HIVEP1: variants seen among roughly 807,000 people sequenced by gnomAD.
HIVEP1 encodes the protein HIVEP zinc finger 1, also known as zinc finger protein 40.
A neutral mutation model predicts 180.0 loss-of-function variants in HIVEP1; 36 were observed. The ratio of observed to expected loss-of-function variants is 0.20; its 90% confidence interval spans 0.15 to 0.26. HIVEP1 has a LOEUF of 0.26. Ranked by LOEUF, HIVEP1 falls within the 10% of genes least tolerant of loss-of-function variation. The pLI is 1.00. For missense variants in HIVEP1, 3,143 were observed against 3,268.7 expected (o/e 0.96, Z 0.94); for synonymous variants, 1,239 against 1,239.0 (o/e 1.00, Z 0.00).
chr6:12,017,786 C>G (rs1767913475), intron 2 of HIVEP1, among the ~76,000 whole-genome samples: 1 of 152,220 alleles, frequency 6.6e-6, no homozygotes, highest in Non-Finnish European at 1.5e-5. Flanking sequence ...ATAAAGAGTG[C>G]TGATTGGTGT....
At chr6:12,168,338 T>TATATACATGTATATGTATATATTATATAC (rs1760810978), downstream of HIVEP1, among the ~76,000 whole-genome samples, 2 of 125,782 alleles carry the variant, frequency 1.6e-5, no homozygotes, top group African/African-American at 6.0e-5. Flanking sequence ...TATATAATTA[T>TATATACATGTATATGTATATATTATATAC]ATATACATGT....
intron 2 of HIVEP1, among the ~76,000 whole-genome samples, chr6:12,022,797 A>G (rs145717616): frequency 8.5e-5 from 13 of 152,340 alleles, no homozygotes; most frequent in African/African-American, 2.2e-4. Flanking sequence ...CATGTGCTCA[A>G]TGTTGATTAC....
chr6:12,114,565 C>T (rs72826091), intron 3 of HIVEP1, among the ~76,000 whole-genome samples: 9,922 of 152,096 alleles, frequency 0.065, 379 homozygotes, highest in Middle Eastern at 0.15. Flanking sequence ...CAGCTCTCAC[C>T]GCATATTCCC....
chr6:12,061,616 ATTG>A (rs1771241787), intron 2 of HIVEP1, among the ~76,000 whole-genome samples: 1 of 152,044 alleles, frequency 6.6e-6, no homozygotes. Flanking sequence ...AATTTTGATC[ATTG>A]TTATAGTATA....
chr6:12,147,162 A>T (rs766395932), intron 7 of HIVEP1, among the ~76,000 whole-genome samples: 5 of 152,102 alleles, frequency 3.3e-5, no homozygotes, highest in Non-Finnish European at 7.4e-5. Flanking sequence ...CAGGTAATAG[A>T]TGCTGTGCAG....
intron 7 of HIVEP1, among the ~76,000 whole-genome samples, chr6:12,151,577 A>C (rs1188337497): frequency 6.6e-6 from 1 of 152,216 alleles, no homozygotes; most frequent in African/African-American, 2.4e-5. Flanking sequence ...CAAGCGTCTT[A>C]ACTTCCTTGT....
chr6:12,086,031 A>G (rs1434507345), intron 2 of HIVEP1, among the ~76,000 whole-genome samples: 2 of 152,164 alleles, frequency 1.3e-5, no homozygotes, highest in Non-Finnish European at 2.9e-5. Flanking sequence ...AATTTAAGGT[A>G]TCACACAAGA....
At chr6:12,080,343 A>G (rs1581643849) in intron 2 of HIVEP1, among the ~76,000 whole-genome samples, 1 of 152,134 alleles carries the variant, frequency 6.6e-6, no homozygotes, top group Non-Finnish European at 1.5e-5. Flanking sequence ...AGCATCTTCT[A>G]TGGGTAAAAA....
At position 12,121,225 on chromosome 6, in the gene HIVEP1, A is replaced by C. The variant is rs1295999314; in HGVS notation, c.1430A>C (p.His477Pro). Reference protein sequence around the residue: ...QPDAGGLFLSHESPKALSIHS... With the variant: ...QPDAGGLFLSPESPKALSIHS... Reference sequence around the variant, plus strand: ...GATGCTGGTGGCTTGTTCTTGTCCCACGAGTCCCCCAAAGCACTTAGTATT... The same window carrying C: ...GATGCTGGTGGCTTGTTCTTGTCCCCCGAGTCCCCCAAAGCACTTAGTATT... The change falls in exon 4 of 9, where the codon CAC (histidine) becomes CCC (proline). Residue 477 changes from histidine (H) to proline (P), a missense_variant. By Grantham distance (77) the His-to-Pro change is moderately conservative (BLOSUM62 -2). Around this residue, in one of 12 missense-constraint regions of HIVEP1, gnomAD observed 365 missense variants for 344.4 expected, o/e 1.06. Transcript: ENST00000379388. The surrounding 1 kb of genome is among the most constrained non-coding windows in gnomAD (Gnocchi z 5.3). The C allele has an allele frequency of 6.2e-7, 1 of 1,614,146 alleles. No individual in the cohort carries two copies. Among genetic ancestry groups the C allele is most frequent in the Admixed American group, 1.7e-5 (1 of 60,014 alleles).
At chr6:12,074,205 A>T (rs1280036592) in intron 2 of HIVEP1, among the ~76,000 whole-genome samples, 1 of 152,212 alleles carries the variant, frequency 6.6e-6, no homozygotes, top group Non-Finnish European at 1.5e-5. Context: ...GATTCTAAAG[A>T]TGATGTGAGT....
chr6:12,008,748 G>C (rs999239022), upstream of HIVEP1: 2 of 152,226 alleles, frequency 1.3e-5, no homozygotes, highest in South Asian at 2.1e-4. Flanking sequence ...GGAATGAAGC[G>C]CCTCCCTCTA....
At chr6:12,076,756 C>T (rs61428390) in intron 2 of HIVEP1, among the ~76,000 whole-genome samples, 26,426 of 152,084 alleles carry the variant, frequency 0.17, 2,392 homozygotes, top group Middle Eastern at 0.3. Flanking sequence ...CCAACACATG[C>T]ATTTTGGAGG....
At chr6:12,203,220 T>C in the HIVEP1 span, among the ~76,000 whole-genome samples, 10 of 152,200 alleles carry the variant, frequency 6.6e-5, no homozygotes, top group African/African-American at 2.4e-4. Context: ...TGACCTTATA[T>C]GGTAGCTTCG....
At chr6:12,041,362 T>C (rs62395282) in intron 2 of HIVEP1, among the ~76,000 whole-genome samples, 22 of 134,536 alleles carry the variant, frequency 1.6e-4, no homozygotes, top group Admixed American at 2.7e-4. Context: ...GCGGAGCTTG[T>C]AGTGAGCCGA....
chr6:12,026,322 G>A (rs552429670), intron 2 of HIVEP1, among the ~76,000 whole-genome samples: 1 of 152,308 alleles, frequency 6.6e-6, no homozygotes, highest in African/African-American at 2.4e-5. Context: ...GAAATACCTC[G>A]CGGAGGAGTC....
intron 2 of HIVEP1, among the ~76,000 whole-genome samples, chr6:12,060,079 AC>A (rs1771129820): frequency 6.6e-6 from 1 of 152,190 alleles, no homozygotes; most frequent in Admixed American, 6.5e-5. Context: ...TATATTGTTC[AC>A]CAGTAGTATC....
At chr6:12,129,729 TA>T in intron 4 of HIVEP1, 29 bp from the exon 5 acceptor site, 1 of 1,556,098 alleles carries the variant, frequency 6.4e-7, no homozygotes, top group East Asian at 2.3e-5. Flanking sequence ...TCAGTTTTAT[TA>T]AATTAGTTTC....
intron 8 of HIVEP1, among the ~76,000 whole-genome samples, chr6:12,162,377 A>C (rs1049893022): frequency 1.3e-5 from 2 of 152,236 alleles, no homozygotes; most frequent in Non-Finnish European, 2.9e-5. Context: ...TTGGCAAGAC[A>C]GCTACCAGTT....
At chr6:12,187,329 G>A in the HIVEP1 span, among the ~76,000 whole-genome samples, 2 of 152,044 alleles carry the variant, frequency 1.3e-5, no homozygotes, top group African/African-American at 4.8e-5. Context: ...GGGTCATGGG[G>A]GCAAACCTCT....
Sources: allele counts gnomAD v4.1 joint callset (sites outside exome capture counted in the v4.1 genomes callset), GRCh38; gene constraint gnomAD v4.1.1; regional missense constraint gnomAD v4.1.1; non-coding constraint Gnocchi (gnomAD v3.1); transcripts MANE v1.5; gene names NCBI Gene and HGNC (gene_info 2026-07-23, HGNC 2026-07-21).